POU6F2: variants seen among roughly 807,000 people sequenced by gnomAD.
POU6F2 encodes the protein POU domain, class 6, transcription factor 2.
A neutral mutation model predicts 71.3 loss-of-function variants in POU6F2; 31 were observed. The observed-to-expected ratio is 0.43, with a 90% CI of 0.33 to 0.59. The LOEUF is 0.59. POU6F2 is among the 20% of genes least tolerant of loss of function. The pLI is 0.04. For synonymous variants in POU6F2, 347 were observed against 355.7 expected (o/e 0.98, Z 0.27); for missense variants, 783 against 856.8 (o/e 0.91, Z 1.07).
chr7:39,274,071 C>G (rs1014353125), intron 4 of POU6F2, among the ~76,000 whole-genome samples: 3 of 152,200 alleles, frequency 2.0e-5, no homozygotes, highest in African/African-American at 7.2e-5. Context: ...CACCTTCAAA[C>G]TACTTACCAA....
chr7:39,126,847 A>G (rs1032541177), intron 2 of POU6F2, among the ~76,000 whole-genome samples: 1 of 152,234 alleles, frequency 6.6e-6, no homozygotes, highest in African/African-American at 2.4e-5. Context: ...TTGGAATCAA[A>G]TGTAAGTAGA....
chr7:39,183,723 C>T (rs1444543831), intron 2 of POU6F2, among the ~76,000 whole-genome samples: 3 of 152,146 alleles, frequency 2.0e-5, no homozygotes. Flanking sequence ...CTGCTCTAGA[C>T]CAATAATTCT....
intron 5 of POU6F2, among the ~76,000 whole-genome samples, chr7:39,381,159 G>C (rs982320581): frequency 6.6e-5 from 10 of 152,078 alleles, no homozygotes; most frequent in African/African-American, 2.4e-4. Flanking sequence ...CCCCGCCCCG[G>C]GTTCCAGTGA....
chr7:39,096,961 A>G (rs1301272369), intron 2 of POU6F2, among the ~76,000 whole-genome samples: 1 of 152,196 alleles, frequency 6.6e-6, no homozygotes, highest in Admixed American at 6.5e-5. Flanking sequence ...ACAAATATAT[A>G]TGTGGAATTA....
intron 4 of POU6F2, among the ~76,000 whole-genome samples, chr7:39,291,058 A>T (rs1354068042): frequency 6.6e-6 from 1 of 151,248 alleles, no homozygotes; most frequent in Non-Finnish European, 1.5e-5. Flanking sequence ...AGAACAAGGA[A>T]CTCAGCATCA....
intron 4 of POU6F2, among the ~76,000 whole-genome samples, chr7:39,258,105 C>T (rs1047259270): frequency 2.6e-5 from 4 of 152,152 alleles, no homozygotes; most frequent in African/African-American, 9.7e-5. Context: ...AAATACATCA[C>T]AAATTCTTAG....
intron 4 of POU6F2, among the ~76,000 whole-genome samples, chr7:39,291,105 G>GTGGA (rs1784748899): frequency 6.6e-6 from 1 of 151,710 alleles, no homozygotes; most frequent in Non-Finnish European, 1.5e-5. Flanking sequence ...TTATCTGGCT[G>GTGGA]TGGATATAAA....
intron 4 of POU6F2, among the ~76,000 whole-genome samples, chr7:39,243,403 C>T (rs972881171): frequency 1.3e-5 from 2 of 152,098 alleles, no homozygotes; most frequent in Admixed American, 1.3e-4. Context: ...TTTCCTCAGT[C>T]AGCTGGATGC....
intron 4 of POU6F2, among the ~76,000 whole-genome samples, chr7:39,238,155 A>G (rs1050894165): frequency 2.0e-5 from 3 of 152,296 alleles, no homozygotes; most frequent in Non-Finnish European, 4.4e-5. Context: ...GATTCAAATC[A>G]CCAGTTACAA....
At chr7:39,447,689 C>T (rs1369547521) in intron 7 of POU6F2, among the ~76,000 whole-genome samples, 1 of 152,162 alleles carries the variant, frequency 6.6e-6, no homozygotes, top group Non-Finnish European at 1.5e-5. Flanking sequence ...TTTATAGAAG[C>T]ATCTAAGTTT....
intron 6 of POU6F2, among the ~76,000 whole-genome samples, chr7:39,424,316 A>G (rs2115985595): frequency 1.3e-5 from 2 of 152,108 alleles, no homozygotes; most frequent in Middle Eastern, 3.4e-3. Context: ...TGCACAATTG[A>G]CTCCCCCATC....
chr7:39,001,918 G>A (rs140937242), intron 1 of POU6F2: 2 of 152,312 alleles, frequency 1.3e-5, no homozygotes, highest in Non-Finnish European at 2.9e-5. Context: ...GTTGGTGATA[G>A]TGATGATGTG....
At chr7:39,071,809 G>A (rs1381923750) in intron 1 of POU6F2, among the ~76,000 whole-genome samples, 2 of 152,000 alleles carry the variant, frequency 1.3e-5, no homozygotes, top group Non-Finnish European at 2.9e-5. Context: ...GTCTATTGAG[G>A]TTGACTATTT....
Position 39,451,584 on chromosome 7 carries a change from C to T in POU6F2, c.1372C>T (p.Leu458Phe). 1 of 1,613,834 alleles carries T rather than the reference C, an allele frequency of 6.2e-7. No individual in the cohort carries two copies. The highest frequency in any genetic ancestry group is 2.2e-5 in the East Asian group (1 of 44,876). ...SVGQAASQGN[L>F]LHLAHSQASM... ...GGGTCAAGCAGCCTCCCAAGGCAAC[C>T]TTCTGCACCTGGCTCACAGCCAAGC... The change falls in exon 8 of 10, where the codon CTT becomes TTT. Residue 458 changes from leucine to phenylalanine, a missense_variant. Transcript: ENST00000518318.
Position 39,466,503 on chromosome 7 carries a change from T to A in POU6F2, c.*1817T>A, listed in dbSNP as rs1250522529. 2 of 152,222 alleles carry A rather than the reference T, an allele frequency of 1.3e-5. No individual in the cohort carries two copies. The highest frequency in any genetic ancestry group is 2.9e-5 in the Non-Finnish European group (2 of 68,032). The allele number at this position is 152,222 out of a possible 1,614,324, so 9.4% of individuals were successfully genotyped here. ...CATATTTATGCATAATTTATAATCA[T>A]GCTAATGTATTATCTAGAAGTAAGT... is the stretch of plus-strand genomic sequence containing the variant. On this transcript the variant is annotated 3_prime_UTR_variant, in exon 10 of 10. Transcript: ENST00000518318.
intron 6 of POU6F2, among the ~76,000 whole-genome samples, chr7:39,419,060 T>C (rs1354921676): frequency 1.4e-5 from 2 of 145,674 alleles, no homozygotes. Context: ...TACACATATA[T>C]ACACATATAT....
intron 4 of POU6F2, among the ~76,000 whole-genome samples, chr7:39,325,334 CTCT>C (rs1212949166): frequency 2.6e-5 from 4 of 152,160 alleles, no homozygotes; most frequent in African/African-American, 9.7e-5. Flanking sequence ...ATGCTATCTC[CTCT>C]TCTTAAAAAC....
chr7:39,122,545 G>T (rs898285254), intron 2 of POU6F2, among the ~76,000 whole-genome samples: 1 of 152,110 alleles, frequency 6.6e-6, no homozygotes, highest in African/African-American at 2.4e-5. Context: ...AACAGCAGAG[G>T]GGAGGCAATC....
At chr7:39,110,268 C>CAAA (rs35337549) in intron 2 of POU6F2, among the ~76,000 whole-genome samples, 3 of 103,718 alleles carry the variant, frequency 2.9e-5, no homozygotes, top group African/African-American at 7.8e-5. Flanking sequence ...AACTCCGTCT[C>CAAA]AAAAAAAAAA....
Sources: allele counts gnomAD v4.1 joint callset (sites outside exome capture counted in the v4.1 genomes callset), GRCh38; gene constraint gnomAD v4.1.1; transcripts MANE v1.5; gene names NCBI Gene and HGNC (gene_info 2026-07-23, HGNC 2026-07-21).